Variants in VSTM2L observed in about 807,000 individuals in gnomAD.
The protein encoded by VSTM2L is V-set and transmembrane domain-containing protein 2-like protein.
In VSTM2L, 9 loss-of-function variants were observed where a neutral mutation model predicts 19.9. That is an observed-to-expected ratio of 0.45 (90% confidence interval 0.27 to 0.79). VSTM2L has a LOEUF of 0.79. Among genes scored for constraint, VSTM2L ranks in the 30% least tolerant of loss-of-function variants. The pLI is 0.15. For missense variants in VSTM2L, 286 were observed against 295.5 expected (o/e 0.97, Z 0.24); for synonymous variants, 127 against 133.8 (o/e 0.95, Z 0.35).
intron 3 of VSTM2L, 21 bp from the exon 4 acceptor site, chr20:37,943,960 C>T (rs756900208): frequency 1.1e-5 from 13 of 1,212,398 alleles, no homozygotes; most frequent in South Asian, 3.0e-5. Context: ...GGACAGGTCA[C>T]GGTCTCTCTG....
At position 37,944,483 on chromosome 20, in the gene VSTM2L, G is replaced by A. The variant is rs2072996621; in HGVS notation, c.*230G>A. On this transcript the variant is annotated 3_prime_UTR_variant, in exon 4 of 4. Transcript: ENST00000373461. The stretch of plus-strand genomic sequence containing the variant: ...CCTGGCTCGGAGAAGGTGGCCCTGG[G>A]CACCAAGGGGCCAACCGCCCTGAAC... 8.0e-7 allele frequency: 1 copy of A among 1,256,350 alleles called. No homozygotes were observed. Among genetic ancestry groups the A allele is most frequent in the South Asian group, 3.5e-5 (1 of 28,862 alleles). 77.8% of individuals were successfully genotyped at this position (1,256,350 alleles called of 1,614,324 possible).
chr20:37,905,180 C>T (rs2072744862), intron 1 of VSTM2L, among the ~76,000 whole-genome samples: 1 of 152,146 alleles, frequency 6.6e-6, no homozygotes, highest in Non-Finnish European at 1.5e-5. Context: ...CCCTCTCCAC[C>T]CCTCCTCTCC....
intron 1 of VSTM2L, among the ~76,000 whole-genome samples, chr20:37,903,926 C>T (rs1304290436): frequency 6.6e-6 from 1 of 152,226 alleles, no homozygotes; most frequent in Non-Finnish European, 1.5e-5. Context: ...TGCCTGCCCA[C>T]CTGCAGACAC....
chr20:37,933,716 GA>G lies in VSTM2L; in HGVS notation c.342+134del, dbSNP rs2072923981. On this transcript the variant is annotated intron_variant, in intron 3 of 3. Transcript: ENST00000373461. ...GATGGAAGAGAAGAAAAAGAGAAGG[GA>G]AAAAAATGGCCTTGCTCTGTTTTTT... is the stretch of plus-strand genomic sequence containing the variant. 5.5e-5 allele frequency: 49 copies of G among 885,634 alleles called. 1 individual carries two copies. The East Asian group carries it at 1.0e-3, about 19-fold the overall frequency. 54.9% of individuals were successfully genotyped at this position (885,634 alleles called of 1,614,324 possible). A position where few individuals can be genotyped will look rare whatever the true frequency, so the allele number is the denominator to read the frequency against.
At chr20:37,913,285 G>T (rs1210486954) in intron 1 of VSTM2L, among the ~76,000 whole-genome samples, 1 of 152,194 alleles carries the variant, frequency 6.6e-6, no homozygotes, top group Non-Finnish European at 1.5e-5. Context: ...AAGCTTCAAA[G>T]GGTTTTTTGA....
intron 2 of VSTM2L, among the ~76,000 whole-genome samples, 196 bp from the exon 3 acceptor site, chr20:37,933,343 C>G (rs1345645245): frequency 2.6e-5 from 4 of 152,170 alleles, no homozygotes; most frequent in African/African-American, 9.7e-5. Flanking sequence ...TTTGCTCTGA[C>G]CTCACCTCCT....
intron 2 of VSTM2L, 124 bp from the exon 3 acceptor site, chr20:37,933,415 G>A: frequency 1.3e-6 from 1 of 769,934 alleles, no homozygotes; most frequent in Non-Finnish European, 2.1e-6. Flanking sequence ...AGCCTCATCT[G>A]CTGTCGTGAG....
chr20:37,904,277 G>A (rs1012657082), intron 1 of VSTM2L, among the ~76,000 whole-genome samples: 1 of 152,232 alleles, frequency 6.6e-6, no homozygotes, highest in African/African-American at 2.4e-5. Context: ...GGGTGCTTTT[G>A]TCTGCCTCTG....
At chr20:37,926,686 AT>A (rs1240786337) in intron 1 of VSTM2L, among the ~76,000 whole-genome samples, 1 of 152,240 alleles carries the variant, frequency 6.6e-6, no homozygotes, top group African/African-American at 2.4e-5. Flanking sequence ...TGGGAAGAGC[AT>A]GGACTTGGGC....
chr20:37,910,213 T>A lies in VSTM2L; in HGVS notation c.121+6742T>A, dbSNP rs142619039. Among the ~76,000 whole-genome samples, 130 of 152,352 alleles carry A rather than the reference T, an allele frequency of 8.5e-4. 1 individual carries two copies. Among genetic ancestry groups the A allele is most frequent in the African/African-American group, 3.1e-3 (128 of 41,578 alleles). ...CATCAAAACTGTGATTTCACACATA[T>A]GATTGCTTAGGATGAGACTAATGGG... On this transcript the variant is annotated intron_variant, in intron 1 of 3. Transcript: ENST00000373461.
At chr20:37,929,461 A>G (rs1236773696) in intron 1 of VSTM2L, among the ~76,000 whole-genome samples, 1 of 152,164 alleles carries the variant, frequency 6.6e-6, no homozygotes, top group Non-Finnish European at 1.5e-5. Flanking sequence ...TTAGCTGGGC[A>G]TGGTGGCTCA....
chr20:37,918,192 G>A (rs149982636), intron 1 of VSTM2L, among the ~76,000 whole-genome samples: 2 of 152,340 alleles, frequency 1.3e-5, no homozygotes, highest in Non-Finnish European at 2.9e-5. Context: ...TAGGGAAGTG[G>A]CAGGGAAGCT....
intron 1 of VSTM2L, among the ~76,000 whole-genome samples, chr20:37,926,598 C>T (rs2072880716): frequency 6.6e-6 from 1 of 152,190 alleles, no homozygotes; most frequent in Non-Finnish European, 1.5e-5. Flanking sequence ...GCGGTTTTGA[C>T]CATTACTTTT....
chr20:37,943,092 C>T (rs180785625), intron 3 of VSTM2L, among the ~76,000 whole-genome samples: 1 of 152,042 alleles, frequency 6.6e-6, no homozygotes, highest in Admixed American at 6.5e-5. Context: ...CTCAGTCTCA[C>T]GAGTAGCTGG....
intron 3 of VSTM2L, among the ~76,000 whole-genome samples, chr20:37,936,574 C>T (rs914608109): frequency 1.3e-4 from 20 of 152,200 alleles, no homozygotes; most frequent in African/African-American, 3.9e-4. Flanking sequence ...GGGCTTGGTG[C>T]GGGGAGGGCT....
chr20:37,915,230 C>A (rs1015634099), intron 1 of VSTM2L, among the ~76,000 whole-genome samples: 1 of 152,186 alleles, frequency 6.6e-6, no homozygotes, highest in Non-Finnish European at 1.5e-5. Context: ...CAGCTCCTCT[C>A]TCCATGGCCC....
chr20:37,933,648 A>C, intron 3 of VSTM2L, 59 bp downstream of exon 3: 1 of 1,580,582 alleles, frequency 6.3e-7, no homozygotes, highest in Non-Finnish European at 8.7e-7. Context: ...CTGTGACTTA[A>C]AAAAAAATTG....
chr20:37,934,461 A>T (rs1311961970), intron 3 of VSTM2L, among the ~76,000 whole-genome samples: 1 of 152,210 alleles, frequency 6.6e-6, no homozygotes, highest in Non-Finnish European at 1.5e-5. Context: ...GAGGCTAGAC[A>T]TCTACCAGCA....
intron 1 of VSTM2L, among the ~76,000 whole-genome samples, chr20:37,917,313 T>G (rs900442537): frequency 7.9e-5 from 12 of 151,328 alleles, no homozygotes; most frequent in Non-Finnish European, 1.3e-4. Flanking sequence ...AGACTCTGTC[T>G]CAAAAAAGAA....
Sources: allele counts gnomAD v4.1 joint callset (sites outside exome capture counted in the v4.1 genomes callset), GRCh38; gene constraint gnomAD v4.1.1; transcripts MANE v1.5; gene names NCBI Gene and HGNC (gene_info 2026-07-23, HGNC 2026-07-21).